TLL1: variants seen among roughly 807,000 people sequenced by gnomAD.
TLL1 encodes the protein tolloid like 1, also known as tolloid-like protein 1.
A neutral mutation model predicts 128.2 loss-of-function variants in TLL1; 49 were observed. The ratio of observed to expected loss-of-function variants is 0.38; its 90% CI spans 0.30 to 0.48. The LOEUF is 0.48. Ranked by LOEUF, TLL1 falls within the 20% of genes least tolerant of loss-of-function variation. The probability of loss-of-function intolerance (pLI) is 0.96; values close to 1 mark genes in which losing one functional copy is unlikely to be tolerated. For synonymous variants in TLL1, 454 were observed against 418.8 expected, an observed-to-expected ratio of 1.08 and a Z score of -1.03; for missense variants, 1,123 against 1,242.0, an observed-to-expected ratio of 0.90 and a Z score of 1.44.
At chr4:165,896,204 T>C (rs1314890580) in intron 1 of TLL1, among the ~76,000 whole-genome samples, 2 of 152,140 alleles carry the variant, frequency 1.3e-5, no homozygotes, top group African/African-American at 4.8e-5. Flanking sequence ...GTTCCTGTGT[T>C]AGTTTCCTGA....
In TLL1 at chr4:165,933,824, C is replaced by T. The variant is rs551344531; in HGVS notation, c.170-55557C>T. On this transcript the variant is annotated intron_variant, in intron 1 of 20. Coordinates refer to ENST00000061240, the MANE Select transcript of TLL1 (RefSeq NM_012464.5). ...TCTTCCAGTATGTCCGAGCAGCTCC[C>T]CTCCACTGCAACCTTCACCATTTCA... 1.2e-4 allele frequency among the ~76,000 whole-genome samples: 19 copies of T among 152,260 alleles called. No individual in the cohort carries two copies. The South Asian group carries it at 3.9e-3, about 32-fold the overall frequency.
chr4:166,036,798 TG>T (rs1739023505), intron 9 of TLL1, among the ~76,000 whole-genome samples: 1 of 148,916 alleles, frequency 6.7e-6, no homozygotes, highest in Non-Finnish European at 1.5e-5. Context: ...ACTGTGTGTG[TG>T]TGTGTGTGTG....
At chr4:165,973,740 A>C (rs947722302) in intron 1 of TLL1, among the ~76,000 whole-genome samples, 3 of 150,942 alleles carry the variant, frequency 2.0e-5, no homozygotes, top group African/African-American at 7.3e-5. Flanking sequence ...ATCTCGGCTC[A>C]CTGCAATCTG....
At chr4:165,926,039 G>T (rs114201001) in intron 1 of TLL1, among the ~76,000 whole-genome samples, 2,599 of 152,148 alleles carry the variant, frequency 0.017, 87 homozygotes, top group African/African-American at 0.06. Context: ...GAAACAAAAA[G>T]GTTTGTGTGA....
At chr4:165,899,015 T>A (rs987155987) in intron 1 of TLL1, among the ~76,000 whole-genome samples, 3 of 152,236 alleles carry the variant, frequency 2.0e-5, no homozygotes, top group African/African-American at 7.2e-5. Context: ...TTTATTTGCA[T>A]AGAAGTGTCT....
chr4:165,913,308 A>G (rs947241802), intron 1 of TLL1, among the ~76,000 whole-genome samples: 1 of 152,184 alleles, frequency 6.6e-6, no homozygotes, highest in Non-Finnish European at 1.5e-5. Context: ...ATGTTGCTGA[A>G]TGTTGTCTGA....
At chr4:166,064,713 T>C (rs1181077583) in intron 15 of TLL1, among the ~76,000 whole-genome samples, 1 of 152,124 alleles carries the variant, frequency 6.6e-6, no homozygotes, top group East Asian at 1.9e-4. Context: ...ATCTTTAGCC[T>C]CGGAAACAGT....
At chr4:166,054,223 T>G (rs903798211) in intron 12 of TLL1, among the ~76,000 whole-genome samples, 2 of 152,094 alleles carry the variant, frequency 1.3e-5, no homozygotes, top group African/African-American at 4.8e-5. Context: ...TACTATATAG[T>G]AGTCTTTCTC....
chr4:166,012,475 T>C (rs1184431060), intron 7 of TLL1, among the ~76,000 whole-genome samples: 1 of 150,996 alleles, frequency 6.6e-6, no homozygotes, highest in Non-Finnish European at 1.5e-5. Flanking sequence ...AAATTGAACC[T>C]TTTTTTGGAA....
At chr4:166,078,217 GT>G in intron 18 of TLL1, among the ~76,000 whole-genome samples, 187 bp downstream of exon 18, 1 of 152,146 alleles carries the variant, frequency 6.6e-6, no homozygotes, top group East Asian at 1.9e-4. Context: ...TGACTGCCAC[GT>G]TGTTCTCCTC....
intron 18 of TLL1, among the ~76,000 whole-genome samples, chr4:166,084,842 C>G (rs1741430254): frequency 6.6e-6 from 1 of 151,112 alleles, no homozygotes; most frequent in South Asian, 2.1e-4. Context: ...TTTTTTTGTT[C>G]TTAGGTTTTT....
chr4:165,958,330 G>C (rs59611130), intron 1 of TLL1, among the ~76,000 whole-genome samples: 65,694 of 96,232 alleles, frequency 0.68, 21,861 homozygotes, highest in African/African-American at 0.79. Context: ...CCCACCAACA[G>C]TGTAAAAGTG....
chr4:165,985,376 AT>A (rs1179835668), intron 1 of TLL1, among the ~76,000 whole-genome samples: 3 of 151,914 alleles, frequency 2.0e-5, no homozygotes, highest in Non-Finnish European at 4.4e-5. Flanking sequence ...AAATGTATTC[AT>A]TTTCTTGAGG....
chr4:165,928,785 C>T (rs986453549), intron 1 of TLL1, among the ~76,000 whole-genome samples: 4 of 152,194 alleles, frequency 2.6e-5, no homozygotes, highest in African/African-American at 7.2e-5. Context: ...AAGATTCCTT[C>T]GGACTTCATT....
chr4:166,085,840 A>C (rs1741485301), intron 18 of TLL1, among the ~76,000 whole-genome samples: 1 of 152,110 alleles, frequency 6.6e-6, no homozygotes, highest in Non-Finnish European at 1.5e-5. Flanking sequence ...GAAAATTGTC[A>C]CTGAAGACAA....
At chr4:166,041,189 G>A (rs908655772) in intron 10 of TLL1, among the ~76,000 whole-genome samples, 4 of 152,116 alleles carry the variant, frequency 2.6e-5, no homozygotes, top group African/African-American at 9.7e-5. Flanking sequence ...TGGAATGTGT[G>A]CAGTGATAAA....
At chr4:166,002,468 A>G (rs535919939) in intron 5 of TLL1, among the ~76,000 whole-genome samples, 40 of 152,032 alleles carry the variant, frequency 2.6e-4, no homozygotes, top group Non-Finnish European at 4.3e-4. Flanking sequence ...TTTAAGAGAC[A>G]GGGTCTTACT....
chr4:166,037,282 TG>T (rs1382175851), intron 9 of TLL1, among the ~76,000 whole-genome samples: 76 of 152,272 alleles, frequency 5.0e-4, no homozygotes, highest in African/African-American at 1.7e-3. Context: ...TATTTAGAGA[TG>T]TAGGAGAAAA....
At chr4:166,095,050 A>G (rs1219269583) in intron 19 of TLL1, among the ~76,000 whole-genome samples, 1 of 152,140 alleles carries the variant, frequency 6.6e-6, no homozygotes, top group Non-Finnish European at 1.5e-5. Flanking sequence ...ACGTGTATAA[A>G]GCATTTATTC....
Sources: gnomAD v4.1 joint callset for allele counts (sites outside exome capture counted in the v4.1 genomes callset) on GRCh38, gnomAD v4.1.1 for gene constraint, MANE v1.5 for transcripts, NCBI Gene and HGNC (gene_info 2026-07-23, HGNC 2026-07-21) for gene names.